GSG1L: variants seen among roughly 807,000 people sequenced by gnomAD.
GSG1L encodes GSG1 like, also known as germ cell-specific gene 1-like protein.
A neutral mutation model predicts 42.1 loss-of-function variants in GSG1L; 24 were observed. The observed-to-expected ratio is 0.57, with a 90% confidence interval of 0.41 to 0.80. The LOEUF is 0.80. GSG1L is among the 30% of genes least tolerant of loss of function. GSG1L has a pLI of 0.00. For synonymous variants in GSG1L, 215 were observed against 203.5 expected, an observed-to-expected ratio of 1.06 and a Z score of -0.48; for missense variants, 445 against 472.2, an observed-to-expected ratio of 0.94 and a Z score of 0.53.
chr16:27,920,766 C>T (rs548262171), intron 2 of GSG1L, among the ~76,000 whole-genome samples: 4 of 152,308 alleles, frequency 2.6e-5, no homozygotes, highest in African/African-American at 9.6e-5. Flanking sequence ...TGCCACTTCT[C>T]CTGCTGGTGA....
At position 27,865,499 on chromosome 16, in the gene GSG1L, G is replaced by A. The variant is rs572763576; in HGVS notation, c.550+18987C>T. Among the ~76,000 whole-genome samples the A allele has an allele frequency of 5.3e-5, 7 of 132,926 alleles. No individual in the cohort carries two copies. In the East Asian group the frequency reaches 6.9e-4, roughly 13 times the overall value. 87.2% of individuals were successfully genotyped at this position (132,926 alleles called of 152,430 possible). A position where few individuals can be genotyped will look rare whatever the true frequency, so the allele number is the denominator to read the frequency against. ...TAAATGTCAACCACAGAGCAGGGAC[G>A]CTTCTTTCTTTCTCTCTCTCTTTCT... On this transcript the variant is annotated intron_variant, in intron 3 of 6. Coordinates refer to ENST00000447459, the MANE Select transcript of GSG1L (RefSeq NM_001109763.2).
chr16:27,830,872 A>G (rs1487265905), intron 4 of GSG1L, among the ~76,000 whole-genome samples: 1 of 152,256 alleles, frequency 6.6e-6, no homozygotes, highest in Non-Finnish European at 1.5e-5. Flanking sequence ...AGTAAGGAGT[A>G]TGTTGGTTTT....
At chr16:27,825,497 G>A (rs1384467402) in intron 5 of GSG1L, among the ~76,000 whole-genome samples, 2 of 152,086 alleles carry the variant, frequency 1.3e-5, no homozygotes. Flanking sequence ...CAATAGCAAG[G>A]CCCCCATCTT....
chr16:27,791,828 TC>T (rs2082757982), intron 6 of GSG1L, among the ~76,000 whole-genome samples: 1 of 151,202 alleles, frequency 6.6e-6, no homozygotes, highest in East Asian at 1.9e-4. Context: ...GGTGCACCAC[TC>T]CCCCAGCCAT....
At chr16:27,997,309 C>CCT (rs2085526559) in intron 1 of GSG1L, among the ~76,000 whole-genome samples, 3 of 70,594 alleles carry the variant, frequency 4.2e-5, no homozygotes, top group Non-Finnish European at 8.6e-5. Context: ...GTGTTCTCCA[C>CCT]TTTTTTTTTT....
intron 4 of GSG1L, among the ~76,000 whole-genome samples, chr16:27,835,645 C>CTA (rs1567477436): frequency 6.6e-6 from 1 of 150,876 alleles, no homozygotes; most frequent in East Asian, 1.9e-4. Flanking sequence ...TTTGATTTAT[C>CTA]TATAGTTATT....
At chr16:28,021,997 G>A (rs1389249060) in intron 1 of GSG1L, among the ~76,000 whole-genome samples, 1 of 152,154 alleles carries the variant, frequency 6.6e-6, no homozygotes, top group African/African-American at 2.4e-5. Flanking sequence ...ACCTAGCCTG[G>A]GAAGTCACAG....
chr16:27,836,400 T>C lies in GSG1L; in HGVS notation c.663-7444A>G, dbSNP rs542756367. ...CTTTTGATTCTGAAGGTTTATGTCTTTTACAGGATTTGGGAAGTTTTCAGC... is the reference window on the plus strand; with the variant it reads ...CTTTTGATTCTGAAGGTTTATGTCTCTTACAGGATTTGGGAAGTTTTCAGC... On this transcript the variant is annotated intron_variant, in intron 4 of 6. Coordinates refer to ENST00000447459, the MANE Select transcript of GSG1L (RefSeq NM_001109763.2). 7.2e-5 allele frequency among the ~76,000 whole-genome samples: 11 copies of C among 152,288 alleles called. No individual in the cohort carries two copies. The East Asian group carries it at 1.9e-3, about 27-fold the overall frequency.
At chr16:27,839,140 C>T (rs929057097) in intron 4 of GSG1L, among the ~76,000 whole-genome samples, 2 of 152,188 alleles carry the variant, frequency 1.3e-5, no homozygotes, top group African/African-American at 4.8e-5. Context: ...CTGCTGTTTC[C>T]ACATAGTCAT....
intron 2 of GSG1L, among the ~76,000 whole-genome samples, chr16:27,949,990 A>C (rs2084933409): frequency 6.6e-6 from 1 of 152,218 alleles, no homozygotes; most frequent in Admixed American, 6.5e-5. Flanking sequence ...GATTTCCAGC[A>C]TAACACAGGC....
At chr16:27,809,550 C>T (rs950192132) in intron 5 of GSG1L, among the ~76,000 whole-genome samples, 18 of 150,696 alleles carry the variant, frequency 1.2e-4, no homozygotes, top group African/African-American at 4.2e-4. Flanking sequence ...TGCACTCCAG[C>T]CCAAGCAACA....
intron 4 of GSG1L, among the ~76,000 whole-genome samples, chr16:27,841,309 C>T (rs1248356853): frequency 6.6e-6 from 1 of 152,188 alleles, no homozygotes; most frequent in Non-Finnish European, 1.5e-5. Context: ...AGTGGCCCAG[C>T]AGTGTATGTC....
chr16:27,880,426 C>A (rs2083938374), intron 3 of GSG1L, among the ~76,000 whole-genome samples: 1 of 152,212 alleles, frequency 6.6e-6, no homozygotes, highest in Admixed American at 6.5e-5. Flanking sequence ...CCCGCCTGGT[C>A]ACTCCTGCAG....
chr16:27,846,545 A>G (rs1056323312), intron 3 of GSG1L, among the ~76,000 whole-genome samples: 1 of 152,212 alleles, frequency 6.6e-6, no homozygotes, highest in Non-Finnish European at 1.5e-5. Flanking sequence ...ATTAAATTCT[A>G]TTTATCCCCA....
intron 2 of GSG1L, among the ~76,000 whole-genome samples, chr16:27,944,925 A>G (rs1366077680): frequency 2.6e-5 from 4 of 151,682 alleles, no homozygotes; most frequent in Non-Finnish European, 4.4e-5. Context: ...AAATAAAACA[A>G]AATTAGACGG....
intron 6 of GSG1L, among the ~76,000 whole-genome samples, chr16:27,803,153 C>T (rs2082902419): frequency 6.6e-6 from 1 of 152,064 alleles, no homozygotes; most frequent in Non-Finnish European, 1.5e-5. Context: ...GGTCCCTCCT[C>T]TCCCCCGGTC....
chr16:27,819,316 G>T (rs1006674249), intron 5 of GSG1L, among the ~76,000 whole-genome samples: 4 of 151,284 alleles, frequency 2.6e-5, no homozygotes, highest in African/African-American at 9.7e-5. Flanking sequence ...TTCTAGAATC[G>T]CATGGGTTAG....
At chr16:27,866,339 A>C (rs1042345946) in intron 3 of GSG1L, among the ~76,000 whole-genome samples, 1 of 152,158 alleles carries the variant, frequency 6.6e-6, no homozygotes, top group Non-Finnish European at 1.5e-5. Flanking sequence ...TCATCCTCAG[A>C]GCCAACCATG....
chr16:27,978,874 T>C (rs960741124), intron 1 of GSG1L, among the ~76,000 whole-genome samples: 1 of 152,068 alleles, frequency 6.6e-6, no homozygotes, highest in Non-Finnish European at 1.5e-5. Context: ...AATAAGGTCA[T>C]TGGCATAAAA....
Sources: allele counts gnomAD v4.1 joint callset (sites outside exome capture counted in the v4.1 genomes callset), GRCh38; gene constraint gnomAD v4.1.1; transcripts MANE v1.5; gene names NCBI Gene and HGNC (gene_info 2026-07-23, HGNC 2026-07-21).